Variants in CACNA1D observed in about 807,000 individuals in gnomAD.
CACNA1D encodes the protein voltage-dependent L-type calcium channel subunit alpha-1D.
A neutral mutation model predicts 257.1 loss-of-function variants in CACNA1D; 55 were observed. That is an observed-to-expected ratio of 0.21 (90% CI 0.17 to 0.27). CACNA1D has a LOEUF of 0.27. Ranked by LOEUF, CACNA1D falls within the 10% of genes least tolerant of loss-of-function variation. The probability of loss-of-function intolerance (pLI) is 1.00; values close to 1 mark genes in which losing one functional copy is unlikely to be tolerated. For synonymous variants in CACNA1D, 980 were observed against 1,014.9 expected, an observed-to-expected ratio of 0.97 and a Z score of 0.65; for missense variants, 1,876 against 2,784.0, an observed-to-expected ratio of 0.67 and a Z score of 7.34.
intron 3 of CACNA1D, among the ~76,000 whole-genome samples, chr3:53,505,529 T>A (rs2090806971): frequency 6.6e-6 from 1 of 152,204 alleles, no homozygotes; most frequent in Non-Finnish European, 1.5e-5. Context: ...AGTAAATAAG[T>A]ATTGCTGATG....
intron 27 of CACNA1D, 48 bp downstream of exon 27, chr3:53,749,517 A>G (rs1559620629): frequency 8.2e-6 from 11 of 1,338,508 alleles, no homozygotes; most frequent in Non-Finnish European, 7.5e-6. Flanking sequence ...TCAGGAGCGG[A>G]GTGCCTTCTT....
rs766637928 is a variant in CACNA1D at position 53,702,641 on chromosome 3, A to G, written c.1221A>G (p.Gly407=). Residue 407 remains glycine, a splice_region_variant and synonymous_variant, in exon 9 of 48, where the codon GGA becomes GGG. Coordinates refer to ENST00000350061, the MANE Select transcript of CACNA1D (RefSeq NM_001128840.3). ...TGCTTGTCCTCTTTGCCTCCTTCAG[A>G]GAATTCTCAAAGGAAAGAGAGAAGG... ...VLNLVLGVLS[G]EFSKEREKAK... The G allele has an allele frequency of 1.2e-5, 20 of 1,613,610 alleles. No homozygotes were observed. Among genetic ancestry groups the G allele is most frequent in the Non-Finnish European group, 1.4e-5 (16 of 1,180,008 alleles).
At chr3:53,553,942 A>G (rs1216355790) in intron 3 of CACNA1D, among the ~76,000 whole-genome samples, 1 of 151,636 alleles carries the variant, frequency 6.6e-6, no homozygotes, top group Non-Finnish European at 1.5e-5. Flanking sequence ...CACACCTGTA[A>G]TCTCAGCACT....
At chr3:53,718,769 G>T in intron 10 of CACNA1D, 6 of 1,539,428 alleles carry the variant, frequency 3.9e-6, no homozygotes, top group Non-Finnish European at 4.4e-6. Context: ...CTTCCAGCCT[G>T]GGTTTGGCAT....
At chr3:53,655,332 C>T (rs1404096743) in intron 4 of CACNA1D, among the ~76,000 whole-genome samples, 2 of 152,148 alleles carry the variant, frequency 1.3e-5, no homozygotes, top group African/African-American at 4.8e-5. Flanking sequence ...GGTGTGTACC[C>T]AGTAATGGGA....
At position 53,495,073 on chromosome 3, in the gene CACNA1D, C is replaced by G. The variant is rs1226199790; in HGVS notation, c.-94C>G. ...GAGAATAAGGGCAGGGACCGCGGCT[C>G]CTACCTCTTGGTGATCCCCTTCCCC... On this transcript the variant is annotated 5_prime_UTR_variant, in exon 1 of 48. Transcript: ENST00000350061. This position sits in a 1 kb window ranked among gnomAD's most constrained non-coding sequence, Gnocchi z 5.1. The G allele has an allele frequency of 1.1e-5, 9 of 844,784 alleles. No homozygotes were observed. Among genetic ancestry groups the G allele is most frequent in the Non-Finnish European group, 1.7e-5 (9 of 527,662 alleles). 52.3% of individuals were successfully genotyped at this position (844,784 alleles called of 1,614,324 possible). A position where few individuals can be genotyped will look rare whatever the true frequency, so the allele number is the denominator to read the frequency against.
Position 53,673,205 on chromosome 3 carries a change from G to A in CACNA1D, c.1220+79G>A, listed in dbSNP as rs539903581. The A allele has an allele frequency of 1.3e-5, 12 of 926,254 alleles. No homozygotes were observed. The African/African-American group carries it at 1.5e-4, about 11-fold the overall frequency. The allele number at this position is 926,254 out of a possible 1,614,324, so 57.4% of individuals were successfully genotyped here. A position where few individuals can be genotyped will look rare whatever the true frequency, so the allele number is the denominator to read the frequency against. Reference sequence around the variant, plus strand: ...ACCACACAAGCTTTGCTGGATGAGGGCCGCCAAGAGGGGTTGCCAGACATT... The same window carrying A: ...ACCACACAAGCTTTGCTGGATGAGGACCGCCAAGAGGGGTTGCCAGACATT... On this transcript the variant is annotated intron_variant, in intron 8 of 47. Transcript: ENST00000350061. This position sits in a 1 kb window ranked among gnomAD's most constrained non-coding sequence, Gnocchi z 4.1.
intron 40 of CACNA1D, among the ~76,000 whole-genome samples, chr3:53,787,396 G>T (rs1186498018): frequency 6.7e-6 from 1 of 149,826 alleles, no homozygotes; most frequent in Non-Finnish European, 1.5e-5. Context: ...GTCCATTTCA[G>T]TAACATCCAT....
intron 45 of CACNA1D, among the ~76,000 whole-genome samples, chr3:53,807,360 A>G (rs2095571929): frequency 6.6e-6 from 1 of 152,224 alleles, no homozygotes; most frequent in African/African-American, 2.4e-5. Context: ...GAGGCCCCAC[A>G]GTGCGCACTG....
At chr3:53,582,700 A>G (rs933133472) in intron 3 of CACNA1D, among the ~76,000 whole-genome samples, 1 of 152,130 alleles carries the variant, frequency 6.6e-6, no homozygotes, top group Non-Finnish European at 1.5e-5. Context: ...GACCTGGGAA[A>G]ACATCACCTC....
chr3:53,521,387 T>C lies in CACNA1D; in HGVS notation c.483+19667T>C, dbSNP rs143648873. 1.2e-3 allele frequency among the ~76,000 whole-genome samples: 182 copies of C among 152,296 alleles called. 1 individual carries two copies. Among genetic ancestry groups the C allele is most frequent in the African/African-American group, 4.2e-3 (173 of 41,562 alleles). On this transcript the variant is annotated intron_variant, in intron 3 of 47. Transcript: ENST00000350061. ...ATCCTTCAAGCACAAAAGTTTTTAC[T>C]TTTGATGACGCGTAATATACATTGT...
intron 3 of CACNA1D, among the ~76,000 whole-genome samples, chr3:53,599,261 C>T (rs776190355): frequency 7.2e-5 from 11 of 152,016 alleles, no homozygotes; most frequent in Non-Finnish European, 1.5e-4. Context: ...GAATCATATC[C>T]TATCATTGGA....
chr3:53,571,485 G>A (rs2092942433), intron 3 of CACNA1D, among the ~76,000 whole-genome samples: 1 of 152,116 alleles, frequency 6.6e-6, no homozygotes, highest in African/African-American at 2.4e-5. Flanking sequence ...GGCAGCCATA[G>A]CTGTCGATAG....
chr3:53,788,863 G>T (rs2095469763), intron 40 of CACNA1D, among the ~76,000 whole-genome samples: 1 of 152,170 alleles, frequency 6.6e-6, no homozygotes, highest in Admixed American at 6.5e-5. Flanking sequence ...TGAGAGGCAT[G>T]GCGGCCACTT....
At chr3:53,597,942 T>G (rs1295775043) in intron 3 of CACNA1D, among the ~76,000 whole-genome samples, 1 of 152,240 alleles carries the variant, frequency 6.6e-6, no homozygotes, top group Non-Finnish European at 1.5e-5. Flanking sequence ...AAACTGCAAT[T>G]ACTTTTGCGC....
intron 14 of CACNA1D, among the ~76,000 whole-genome samples, chr3:53,724,972 T>C (rs1035250608): frequency 6.8e-6 from 1 of 146,956 alleles, no homozygotes; most frequent in Non-Finnish European, 1.5e-5. Context: ...GATTCTTTTT[T>C]AAAAAAAAAT....
intron 3 of CACNA1D, among the ~76,000 whole-genome samples, chr3:53,503,692 A>G (rs1247564401): frequency 6.6e-6 from 1 of 152,164 alleles, no homozygotes; most frequent in Non-Finnish European, 1.5e-5. Context: ...AAATACAGGA[A>G]ATGGATTAAT....
At chr3:53,589,283 G>A (rs1009541227) in intron 3 of CACNA1D, among the ~76,000 whole-genome samples, 1 of 152,162 alleles carries the variant, frequency 6.6e-6, no homozygotes, top group Non-Finnish European at 1.5e-5. Flanking sequence ...TCAAATGTGG[G>A]CCTTTAGCGA....
rs560730485 is a variant in CACNA1D at position 53,805,801 on chromosome 3, CCTCT to C, written c.5749+656_5749+659del. Reference sequence around the variant, plus strand: ...TTCCTCCCTCATCTTCCCTCCTCCTCCTCTATCTTCCCTCCTCCTCCTCCATCTT... The same window carrying C: ...TTCCTCCCTCATCTTCCCTCCTCCTCATCTTCCCTCCTCCTCCTCCATCTT... On this transcript the variant is annotated intron_variant, in intron 45 of 47. Coordinates refer to ENST00000350061, the MANE Select transcript of CACNA1D (RefSeq NM_001128840.3). Among the ~76,000 whole-genome samples the C allele has an allele frequency of 1.0e-4, 15 of 146,326 alleles. No individual in the cohort carries two copies. The East Asian group carries it at 2.3e-3, about 23-fold the overall frequency.
Sources: gnomAD v4.1 joint callset for allele counts (sites outside exome capture counted in the v4.1 genomes callset) on GRCh38, gnomAD v4.1.1 for gene constraint, Gnocchi (gnomAD v3.1) non-coding constraint, MANE v1.5 for transcripts, NCBI Gene and HGNC (gene_info 2026-07-23, HGNC 2026-07-21) for gene names.